The following TDRD10 variants were observed in gnomAD, a reference collection of about 807,000 sequenced individuals.
The protein encoded by TDRD10 is tudor domain containing 10.
TDRD10 carries 40 observed loss-of-function variants against 48.0 expected under a neutral mutation model. That is an observed-to-expected ratio of 0.83 (90% CI 0.65 to 1.09). The LOEUF (loss-of-function observed/expected upper bound fraction) is 1.09, where lower values mean the gene tolerates loss of function less well. TDRD10 is among the 50% of genes least tolerant of loss of function. The pLI, the probability that TDRD10 is intolerant of heterozygous loss-of-function variation, is 0.00. For synonymous variants in TDRD10, 162 were observed against 170.4 expected (o/e 0.95, Z 0.38); for missense variants, 378 against 434.7 (o/e 0.87, Z 1.16).
At chr1:154,526,962 T>G (rs1413839425) in intron 6 of TDRD10, among the ~76,000 whole-genome samples, 1 of 151,694 alleles carries the variant, frequency 6.6e-6, no homozygotes, top group African/African-American at 2.4e-5. Flanking sequence ...CAGGCTGGAG[T>G]GCAGTGGCAC....
chr1:154,543,588 T>G (rs1044206345), intron 8 of TDRD10, among the ~76,000 whole-genome samples: 2 of 152,164 alleles, frequency 1.3e-5, no homozygotes, highest in African/African-American at 4.8e-5. Flanking sequence ...ATATCCTGCA[T>G]GGTGGACAGT....
At chr1:154,522,828 G>A (rs1694124909) in intron 6 of TDRD10, among the ~76,000 whole-genome samples, 1 of 152,144 alleles carries the variant, frequency 6.6e-6, no homozygotes. Flanking sequence ...TCAGCTTCTG[G>A]CTCATTATCT....
intron 4 of TDRD10, among the ~76,000 whole-genome samples, chr1:154,514,360 C>T (rs1049195886): frequency 2.0e-5 from 3 of 152,058 alleles, no homozygotes; most frequent in Non-Finnish European, 2.9e-5. Context: ...TGATAATGGT[C>T]TAGTGAGAAA....
chr1:154,503,898 T>C (rs1692987831), intron 1 of TDRD10, among the ~76,000 whole-genome samples: 1 of 152,210 alleles, frequency 6.6e-6, no homozygotes, highest in South Asian at 2.1e-4. Flanking sequence ...ACCATAAAAT[T>C]CACCTGTTTT....
Position 154,544,521 on chromosome 1 carries a change from TG to T in TDRD10, c.797+5del. ...ATTATGGACACGCCTGGAACAGGTG[TG>T]TGCCTGGGCAGGGGTAGAGTCTATG... On this transcript the variant is annotated splice_donor_5th_base_variant and intron_variant, in intron 10 of 12. Coordinates refer to ENST00000368482, the MANE Select transcript of TDRD10 (RefSeq NM_182499.4). The T allele has an allele frequency of 1.9e-6, 3 of 1,613,484 alleles. No individual in the cohort carries two copies. Among genetic ancestry groups the T allele is most frequent in the Middle Eastern group, 3.3e-4 (2 of 6,054 alleles).
At chr1:154,503,900 A>C (rs1414364947) in intron 1 of TDRD10, among the ~76,000 whole-genome samples, 2 of 152,128 alleles carry the variant, frequency 1.3e-5, no homozygotes, top group Non-Finnish European at 2.9e-5. Flanking sequence ...CATAAAATTC[A>C]CCTGTTTTAA....
chr1:154,540,174 G>A (rs1011064590), intron 6 of TDRD10, among the ~76,000 whole-genome samples: 5 of 152,198 alleles, frequency 3.3e-5, no homozygotes, highest in African/African-American at 1.2e-4. Context: ...TTGGATTGTG[G>A]GGGCAGGTGC....
chr1:154,544,638 C>A, intron 10 of TDRD10, 121 bp downstream of exon 10: 1 of 1,479,116 alleles, frequency 6.8e-7, no homozygotes, highest in Non-Finnish European at 9.0e-7. Flanking sequence ...TCAAAATCAT[C>A]TTTATCCTTA....
chr1:154,521,535 G>T, intron 6 of TDRD10, 56 bp downstream of exon 6: 1 of 1,575,758 alleles, frequency 6.3e-7, no homozygotes. Flanking sequence ...TTTAGAGCGT[G>T]GCTGACTTTG....
intron 4 of TDRD10, among the ~76,000 whole-genome samples, chr1:154,518,520 C>T (rs1298167973): frequency 6.6e-6 from 1 of 152,082 alleles, no homozygotes; most frequent in African/African-American, 2.4e-5. Flanking sequence ...CTCCACCTCC[C>T]GGGTTCACGC....
In TDRD10 at chr1:154,506,846, T is replaced by C. The variant is rs1238532347; in HGVS notation, c.-27-31T>C. Reference sequence around the variant, plus strand: ...TATATGATGGTGAACTATCCTGGCATTCCTCTAACTGTGGCCGGTTGGTTT... The same window carrying C: ...TATATGATGGTGAACTATCCTGGCACTCCTCTAACTGTGGCCGGTTGGTTT... On this transcript the variant is annotated intron_variant, in intron 1 of 12. Transcript: ENST00000368482. 7 of 1,587,566 alleles carry C rather than the reference T, an allele frequency of 4.4e-6. No individual in the cohort carries two copies. In the African/African-American group the frequency reaches 9.4e-5, roughly 21 times the overall value.
At chr1:154,527,118 G>T (rs1236219653) in intron 6 of TDRD10, among the ~76,000 whole-genome samples, 1 of 151,350 alleles carries the variant, frequency 6.6e-6, no homozygotes, top group Non-Finnish European at 1.5e-5. Flanking sequence ...GCCATGTTGG[G>T]CAGGCTGGTC....
At position 154,544,953 on chromosome 1, in the gene TDRD10, A is replaced by G. The variant is rs1395206719; in HGVS notation, c.952+4A>G. On this transcript the variant is annotated splice_donor_region_variant and intron_variant, in intron 11 of 12. Transcript: ENST00000368482. The stretch of plus-strand genomic sequence containing the variant: ...CAGCCATTCATGCTGGAGAAAGGTG[A>G]GACATCTTCTATCTTCCTCCCAAGG... The G allele has an allele frequency of 6.2e-7, 1 of 1,613,848 alleles. No individual in the cohort carries two copies. The highest frequency in any genetic ancestry group is 1.3e-5 in the African/African-American group (1 of 75,026).
rs111557274 is a variant in TDRD10 at position 154,507,182 on chromosome 1, G to A, written c.3-59G>A. 3.2e-4 allele frequency: 459 copies of A among 1,445,960 alleles called. 1 individual carries two copies. The African/African-American group carries it at 0.011, about 35-fold the overall frequency. 89.6% of individuals were successfully genotyped at this position (1,445,960 alleles called of 1,614,324 possible). ...AGGCCCCTCTGCTTATGCCTGACAC[G>A]TTTCCTTTTGTCGGAGTCTGAGCTT... On this transcript the variant is annotated intron_variant, in intron 2 of 12. Coordinates refer to ENST00000368482, the MANE Select transcript of TDRD10 (RefSeq NM_182499.4).
chr1:154,508,717 C>T (rs142386309), intron 4 of TDRD10, among the ~76,000 whole-genome samples: 170 of 152,314 alleles, frequency 1.1e-3, no homozygotes, highest in African/African-American at 3.8e-3. Flanking sequence ...CTCTTTATCC[C>T]TGTATACCTG....
At chr1:154,538,710 G>A (rs1448750235) in intron 6 of TDRD10, among the ~76,000 whole-genome samples, 2 of 151,770 alleles carry the variant, frequency 1.3e-5, no homozygotes, top group African/African-American at 2.4e-5. Context: ...AAAATTAGCC[G>A]GGTATAGTGG....
Position 154,547,917 on chromosome 1 carries a change from A to G in TDRD10, c.*207A>G, listed in dbSNP as rs977633511. On this transcript the variant is annotated 3_prime_UTR_variant, in exon 13 of 13. Transcript: ENST00000368482. ...TTTGTCATGTGTCTTCAGTTCCCCA[A>G]CTTGGCATGAACATTTGAACCAAAC... 4 of 613,666 alleles carry G rather than the reference A, an allele frequency of 6.5e-6. No homozygotes were observed. The highest frequency in any genetic ancestry group is 3.7e-5 in the African/African-American group (2 of 53,994). 38.0% of individuals were successfully genotyped at this position (613,666 alleles called of 1,614,324 possible). A position where few individuals can be genotyped will look rare whatever the true frequency, so the allele number is the denominator to read the frequency against.
chr1:154,513,130 C>G (rs1693572309), intron 4 of TDRD10, among the ~76,000 whole-genome samples: 1 of 152,074 alleles, frequency 6.6e-6, no homozygotes, highest in Admixed American at 6.6e-5. Context: ...CAAGAGCAAG[C>G]AAAGAGGGTG....
Position 154,544,450 on chromosome 1 carries a change from A to G in TDRD10, c.730A>G (p.Thr244Ala). Residue 244 changes from threonine (T) to alanine (A), a missense_variant, in exon 10 of 13, where the codon ACC becomes GCC. Around this residue, in one of 2 missense-constraint regions of TDRD10, gnomAD observed 310 missense variants for 323.6 expected, o/e 0.96. Coordinates refer to ENST00000368482, the MANE Select transcript of TDRD10 (RefSeq NM_182499.4). ...EEQQPYLEGS[T>A]VMRGTRCLAE... ...GCAGCAGCCCTACCTGGAGGGCTCC[A>G]CCGTTATGCGCGGGACTCGCTGTCT... is the stretch of plus-strand genomic sequence containing the variant. The G allele has an allele frequency of 1.2e-6, 2 of 1,612,548 alleles. No individual in the cohort carries two copies. Among genetic ancestry groups the G allele is most frequent in the Non-Finnish European group, 1.7e-6 (2 of 1,179,616 alleles).
Sources: gnomAD v4.1 joint callset for allele counts (sites outside exome capture counted in the v4.1 genomes callset) on GRCh38, gnomAD v4.1.1 for gene constraint, gnomAD v4.1.1 regional missense constraint, MANE v1.5 for transcripts, NCBI Gene and HGNC (gene_info 2026-07-23, HGNC 2026-07-21) for gene names.